The following RNF150 variants were observed in gnomAD, a reference collection of about 807,000 sequenced individuals.
RNF150 encodes ring finger protein 150.
Under a neutral mutation model 39.3 loss-of-function variants are expected in RNF150, and 24 were observed. The observed-to-expected ratio is 0.61, with a 90% confidence interval of 0.44 to 0.86. The LOEUF (loss-of-function observed/expected upper bound fraction) is 0.86, where lower values mean the gene tolerates loss of function less well. Ranked by LOEUF, RNF150 falls within the 40% of genes least tolerant of loss-of-function variation. The pLI is 0.00. For missense variants in RNF150, 502 were observed against 587.8 expected, an observed-to-expected ratio of 0.85 and a Z score of 1.51; for synonymous variants, 255 against 227.3, an observed-to-expected ratio of 1.12 and a Z score of -1.10.
chr4:141,048,478 C>A (rs879731317), intron 1 of RNF150, among the ~76,000 whole-genome samples: 1 of 152,130 alleles, frequency 6.6e-6, no homozygotes, highest in Non-Finnish European at 1.5e-5. Context: ...TGGGTATAAT[C>A]CCAACACTTT....
chr4:141,087,985 C>T (rs1738431293), intron 1 of RNF150, among the ~76,000 whole-genome samples: 1 of 152,106 alleles, frequency 6.6e-6, no homozygotes, highest in Non-Finnish European at 1.5e-5. Flanking sequence ...GAGCAGTGTG[C>T]TTTAGTGGAA....
At chr4:140,974,675 A>G (rs1733597768) in intron 1 of RNF150, among the ~76,000 whole-genome samples, 1 of 152,032 alleles carries the variant, frequency 6.6e-6, no homozygotes, top group African/African-American at 2.4e-5. Context: ...TATTATCACT[A>G]TTTTATTTTA....
Position 141,132,955 on chromosome 4 carries a change from C to T in RNF150, c.-147G>A. ...AGGGGCCGCGGCCGGGACGCGCAGC[C>T]GCCGCGGGGACCGGATTCCGGGCGA... On this transcript the variant is annotated 5_prime_UTR_variant, in exon 1 of 7. Transcript: ENST00000515673. This position sits in a 1 kb window ranked among gnomAD's most constrained non-coding sequence, Gnocchi z 4.9. 3.3e-6 allele frequency: 2 copies of T among 608,158 alleles called. No homozygotes were observed. Among genetic ancestry groups the T allele is most frequent in the Non-Finnish European group, 5.5e-6 (2 of 365,622 alleles). 37.7% of individuals were successfully genotyped at this position (608,158 alleles called of 1,614,324 possible). A position where few individuals can be genotyped will look rare whatever the true frequency, so the allele number is the denominator to read the frequency against.
chr4:141,186,534 G>C (rs1578786893), intron 1 of RNF150, among the ~76,000 whole-genome samples: 1 of 152,032 alleles, frequency 6.6e-6, no homozygotes, highest in East Asian at 1.9e-4. Flanking sequence ...AAGTAGCTGG[G>C]ACTACAGGTG....
intron 1 of RNF150, among the ~76,000 whole-genome samples, chr4:141,106,782 G>A (rs1460666552): frequency 8.6e-5 from 13 of 151,952 alleles, no homozygotes; most frequent in Non-Finnish European, 1.3e-4. Context: ...TGAAAAGAGC[G>A]AAATTCCATC....
chr4:141,159,692 G>A (rs1018127583), intron 1 of RNF150, among the ~76,000 whole-genome samples: 2 of 152,066 alleles, frequency 1.3e-5, no homozygotes, highest in Non-Finnish European at 2.9e-5. Context: ...ACAGCTGTAT[G>A]TGACCACACC....
At chr4:141,180,361 T>C (rs1727886301) in intron 1 of RNF150, among the ~76,000 whole-genome samples, 1 of 152,176 alleles carries the variant, frequency 6.6e-6, no homozygotes, top group Non-Finnish European at 1.5e-5. Context: ...AGTCCCAGTT[T>C]CCTTTGCCTC....
At chr4:141,145,337 A>G (rs570708782) in intron 1 of RNF150, among the ~76,000 whole-genome samples, 1 of 151,900 alleles carries the variant, frequency 6.6e-6, no homozygotes. Context: ...TTTACTTAAC[A>G]TAACATTAAG....
intron 1 of RNF150, among the ~76,000 whole-genome samples, chr4:140,992,424 T>C (rs1184684727): frequency 6.6e-6 from 1 of 151,388 alleles, no homozygotes; most frequent in Non-Finnish European, 1.5e-5. Context: ...AACCAGGGAA[T>C]GGGGAAAAAA....
At chr4:141,173,731 C>T (rs1727765905) in intron 1 of RNF150, among the ~76,000 whole-genome samples, 1 of 152,196 alleles carries the variant, frequency 6.6e-6, no homozygotes, top group Middle Eastern at 3.4e-3. Context: ...TTTGGACAAG[C>T]CCTTTACTTG....
In RNF150 at chr4:141,120,386, T is replaced by A. The variant is rs1254665756; in HGVS notation, c.484+11939A>T. 4.6e-5 allele frequency among the ~76,000 whole-genome samples: 7 copies of A among 152,086 alleles called. No individual in the cohort carries two copies. The South Asian group carries it at 1.5e-3, about 32-fold the overall frequency. ...GACTGATAGGAGAATCTGAAAAAAT[T>A]GAGGGTGGTGACTGGGTACTCTTCC... On this transcript the variant is annotated intron_variant, in intron 1 of 6. Coordinates refer to ENST00000515673, the MANE Select transcript of RNF150 (RefSeq NM_020724.2).
At chr4:140,979,750 C>G (rs1443901711) in intron 1 of RNF150, among the ~76,000 whole-genome samples, 1 of 151,948 alleles carries the variant, frequency 6.6e-6, no homozygotes, top group Non-Finnish European at 1.5e-5. Flanking sequence ...ACCATGAAGC[C>G]CAAACTGGGC....
intron 1 of RNF150, among the ~76,000 whole-genome samples, chr4:141,186,003 G>A (rs1728001179): frequency 6.6e-6 from 1 of 152,136 alleles, no homozygotes. Context: ...TTTTTCTGTT[G>A]TGTCTTTGCC....
intron 2 of RNF150, among the ~76,000 whole-genome samples, chr4:140,955,444 C>G (rs1325751806): frequency 6.6e-6 from 1 of 152,220 alleles, no homozygotes; most frequent in East Asian, 1.9e-4. Context: ...TGACTTTGGC[C>G]AAGTCACTTA....
chr4:141,065,558 T>TC (rs1404630433), intron 1 of RNF150, among the ~76,000 whole-genome samples: 1 of 151,518 alleles, frequency 6.6e-6, no homozygotes, highest in African/African-American at 2.4e-5. Flanking sequence ...ATTTGTAATT[T>TC]TTTTTTTACA....
chr4:141,040,396 C>T (rs754973865), intron 1 of RNF150, among the ~76,000 whole-genome samples: 1 of 152,064 alleles, frequency 6.6e-6, no homozygotes, highest in Non-Finnish European at 1.5e-5. Flanking sequence ...TCACTTTGTG[C>T]ACAACAAGGA....
intron 5 of RNF150, among the ~76,000 whole-genome samples, chr4:140,911,763 A>G (rs1025853669): frequency 1.3e-5 from 2 of 152,152 alleles, no homozygotes; most frequent in Non-Finnish European, 2.9e-5. Context: ...CTTAAAACTC[A>G]TGTGTTGTTT....
chr4:141,130,338 G>A (rs1228532759), intron 1 of RNF150, among the ~76,000 whole-genome samples: 1 of 151,780 alleles, frequency 6.6e-6, no homozygotes, highest in Non-Finnish European at 1.5e-5. Flanking sequence ...AGATAATATG[G>A]AGTTTCCTGG....
intron 1 of RNF150, among the ~76,000 whole-genome samples, chr4:141,196,589 G>T (rs1728204652): frequency 6.6e-6 from 1 of 152,128 alleles, no homozygotes; most frequent in South Asian, 2.1e-4. Flanking sequence ...AAGGCTTTTG[G>T]TATAAATACA....
Sources: gnomAD v4.1 joint callset for allele counts (sites outside exome capture counted in the v4.1 genomes callset) on GRCh38, gnomAD v4.1.1 for gene constraint, Gnocchi (gnomAD v3.1) non-coding constraint, MANE v1.5 for transcripts, NCBI Gene and HGNC (gene_info 2026-07-23, HGNC 2026-07-21) for gene names.